The following CNTNAP2 variants were observed in gnomAD, a reference collection of about 807,000 sequenced individuals.
CNTNAP2 encodes the protein contactin associated protein 2.
In CNTNAP2, 98 loss-of-function variants were observed where a neutral mutation model predicts 155.2. The observed-to-expected ratio is 0.63, with a 90% CI of 0.54 to 0.75. The LOEUF (loss-of-function observed/expected upper bound fraction) is 0.75, where lower values mean the gene tolerates loss of function less well. Among genes scored for constraint, CNTNAP2 ranks in the 30% least tolerant of loss-of-function variants. CNTNAP2 has a pLI of 0.00. For missense variants in CNTNAP2, 1,727 were observed against 1,688.1 expected, an observed-to-expected ratio of 1.02 and a Z score of -0.40; for synonymous variants, 651 against 631.2, an observed-to-expected ratio of 1.03 and a Z score of -0.47.
chr7:147,802,531 C>T (rs1486822186), intron 13 of CNTNAP2, among the ~76,000 whole-genome samples: 1 of 152,168 alleles, frequency 6.6e-6, no homozygotes, highest in Non-Finnish European at 1.5e-5. Flanking sequence ...CCTGGCACCT[C>T]GGGAGGCCGA....
In CNTNAP2 at chr7:148,227,884, C is replaced by CGTGTGTGT. The variant is rs3057282; in HGVS notation, c.3248-1718_3248-1711dup. Among the ~76,000 whole-genome samples the CGTGTGTGT allele has an allele frequency of 4.9e-3, 639 of 131,482 alleles. 4 individuals carry two copies. The highest frequency in any genetic ancestry group is 0.012 in the Middle Eastern group (3 of 256). The allele number at this position is 131,482 out of a possible 152,430, so 86.3% of individuals were successfully genotyped here. ...GATGCCTAAATAAGGAAGAGCACAGCGTGTGTGTGTGTGTGTGTGTGTGTG... is the reference window on the plus strand; with the variant it reads ...GATGCCTAAATAAGGAAGAGCACAGCGTGTGTGTGTGTGTGTGTGTGTGTGTGTGTGTG... On this transcript the variant is annotated intron_variant, in intron 19 of 23. Coordinates refer to ENST00000361727, the MANE Select transcript of CNTNAP2 (RefSeq NM_014141.6).
intron 1 of CNTNAP2, among the ~76,000 whole-genome samples, chr7:146,448,748 G>A (rs1796437517): frequency 6.6e-6 from 1 of 151,968 alleles, no homozygotes; most frequent in Non-Finnish European, 1.5e-5. Flanking sequence ...CATAATCACT[G>A]CAATTGGAAT....
At chr7:147,940,717 G>T (rs770958010) in intron 14 of CNTNAP2, among the ~76,000 whole-genome samples, 1 of 152,010 alleles carries the variant, frequency 6.6e-6, no homozygotes. Flanking sequence ...TAAATTTTAT[G>T]TAGAGACAAG....
At chr7:146,183,378 T>A (rs771896391) in intron 1 of CNTNAP2, among the ~76,000 whole-genome samples, 9 of 152,214 alleles carry the variant, frequency 5.9e-5, no homozygotes, top group Non-Finnish European at 1.2e-4. Context: ...GATGAGAAGA[T>A]ACCTGGAACT....
At chr7:147,484,294 T>TC in intron 10 of CNTNAP2, among the ~76,000 whole-genome samples, 1 of 152,170 alleles carries the variant, frequency 6.6e-6, no homozygotes, top group Non-Finnish European at 1.5e-5. Context: ...ATTGTATTTT[T>TC]CCCCAATGTT....
intron 15 of CNTNAP2, among the ~76,000 whole-genome samples, chr7:148,064,705 A>C (rs1803221848): frequency 6.6e-6 from 1 of 150,910 alleles, no homozygotes; most frequent in African/African-American, 2.4e-5. Flanking sequence ...AAACTCAAGA[A>C]TATACCTAAC....
chr7:147,816,003 A>G (rs142177388), intron 13 of CNTNAP2, among the ~76,000 whole-genome samples: 75 of 152,328 alleles, frequency 4.9e-4, no homozygotes, highest in African/African-American at 1.6e-3. Flanking sequence ...TGTGTTAATA[A>G]GTGGTGTTGA....
At chr7:148,213,200 ATGC>A (rs1311610609) in intron 18 of CNTNAP2, among the ~76,000 whole-genome samples, 28 of 152,136 alleles carry the variant, frequency 1.8e-4, no homozygotes, top group Admixed American at 1.8e-3. Flanking sequence ...CCTGCGAAAA[ATGC>A]TGCTTCTCCA....
intron 13 of CNTNAP2, among the ~76,000 whole-genome samples, chr7:147,783,231 G>A (rs972924159): frequency 4.6e-5 from 7 of 152,144 alleles, no homozygotes; most frequent in Admixed American, 1.3e-4. Context: ...TGTAATTAGC[G>A]AGTTCATAAA....
At chr7:148,247,647 A>ATTTTTTTTTTTTTTTTTT (rs1361087053) in intron 20 of CNTNAP2, among the ~76,000 whole-genome samples, 1 of 125,762 alleles carries the variant, frequency 8.0e-6, no homozygotes, top group African/African-American at 3.2e-5. Flanking sequence ...TTATTTATTT[A>ATTTTTTTTTTTTTTTTTT]TTTATTTATT....
intron 14 of CNTNAP2, among the ~76,000 whole-genome samples, chr7:147,969,357 G>T (rs2116852935): frequency 6.6e-6 from 1 of 152,170 alleles, no homozygotes; most frequent in Non-Finnish European, 1.5e-5. Flanking sequence ...GCCAAACTGG[G>T]CCCCTTCTGA....
At chr7:146,566,840 T>C (rs923527064) in intron 1 of CNTNAP2, among the ~76,000 whole-genome samples, 1 of 152,242 alleles carries the variant, frequency 6.6e-6, no homozygotes, top group African/African-American at 2.4e-5. Context: ...AAGGTCTTCA[T>C]AGTATAAGGA....
chr7:146,704,680 G>C (rs1304789160), intron 1 of CNTNAP2, among the ~76,000 whole-genome samples: 1 of 152,088 alleles, frequency 6.6e-6, no homozygotes, highest in Admixed American at 6.6e-5. Context: ...AAATAGTTTA[G>C]GAAACACTAG....
chr7:148,228,112 G>A (rs183890031), intron 19 of CNTNAP2, among the ~76,000 whole-genome samples: 2 of 152,056 alleles, frequency 1.3e-5, no homozygotes, highest in Admixed American at 6.6e-5. Flanking sequence ...GAAATGAAAG[G>A]TGACAAATAA....
intron 1 of CNTNAP2, among the ~76,000 whole-genome samples, chr7:146,744,846 C>G (rs934372003): frequency 2.0e-4 from 31 of 152,118 alleles, no homozygotes; most frequent in African/African-American, 7.2e-4. Context: ...AAGTTAAGCC[C>G]TGTTATTCCT....
chr7:146,874,426 G>T lies in CNTNAP2; in HGVS notation c.402+34522G>T, dbSNP rs183568733. Among the ~76,000 whole-genome samples the T allele has an allele frequency of 3.1e-3, 476 of 152,242 alleles. 4 individuals are homozygous for T. Among genetic ancestry groups the T allele is most frequent in the African/African-American group, 0.01 (420 of 41,556 alleles). On this transcript the variant is annotated intron_variant, in intron 3 of 23. Coordinates refer to ENST00000361727, the MANE Select transcript of CNTNAP2 (RefSeq NM_014141.6). Reference sequence around the variant, plus strand: ...GCAATCTTGGCTCACTGTAACCGCTGTCTCCAGGGTTCAAGTGATTCTCCT... The same window carrying T: ...GCAATCTTGGCTCACTGTAACCGCTTTCTCCAGGGTTCAAGTGATTCTCCT...
intron 1 of CNTNAP2, among the ~76,000 whole-genome samples, chr7:146,482,027 A>G (rs1187904429): frequency 2.0e-5 from 3 of 152,118 alleles, no homozygotes; most frequent in South Asian, 2.1e-4. Flanking sequence ...TCAACTTACT[A>G]GGAGTAAAAC....
chr7:147,330,451 G>C (rs1453821797), intron 9 of CNTNAP2, among the ~76,000 whole-genome samples: 1 of 152,298 alleles, frequency 6.6e-6, no homozygotes, highest in Admixed American at 6.5e-5. Flanking sequence ...CCCTAGGAGA[G>C]GTTTGTGAGA....
intron 3 of CNTNAP2, among the ~76,000 whole-genome samples, chr7:146,889,611 G>GT (rs1562988648): frequency 2.6e-5 from 4 of 151,886 alleles, no homozygotes; most frequent in Admixed American, 6.6e-5. Flanking sequence ...TTCCATTATT[G>GT]TTTTTTAGTT....
Sources: allele counts gnomAD v4.1 joint callset (sites outside exome capture counted in the v4.1 genomes callset), GRCh38; gene constraint gnomAD v4.1.1; transcripts MANE v1.5; gene names NCBI Gene and HGNC (gene_info 2026-07-23, HGNC 2026-07-21).